PCDH7: variants seen among roughly 807,000 people sequenced by gnomAD.
PCDH7 encodes protocadherin 7.
A neutral mutation model predicts 58.9 loss-of-function variants in PCDH7; 17 were observed. The observed-to-expected ratio is 0.29, with a 90% confidence interval of 0.20 to 0.43. The LOEUF is 0.43. Among genes scored for constraint, PCDH7 ranks in the 20% least tolerant of loss-of-function variants. The pLI is 1.00. For missense variants in PCDH7, 1,274 were observed against 1,441.0 expected, an observed-to-expected ratio of 0.88 and a Z score of 1.88; for synonymous variants, 664 against 616.4, an observed-to-expected ratio of 1.08 and a Z score of -1.14.
intron 3 of PCDH7, among the ~76,000 whole-genome samples, chr4:30,956,829 T>C (rs1747904132): frequency 6.6e-6 from 1 of 152,230 alleles, no homozygotes; most frequent in Non-Finnish European, 1.5e-5. Context: ...TGAGGCTTTC[T>C]TTTGCATCCT....
At chr4:31,107,667 A>G (rs1715747183) in intron 3 of PCDH7, among the ~76,000 whole-genome samples, 1 of 152,192 alleles carries the variant, frequency 6.6e-6, no homozygotes. Flanking sequence ...GCTTTGGGGT[A>G]ATAGATTCCA....
chr4:30,885,855 A>G (rs1737665637), intron 1 of PCDH7, among the ~76,000 whole-genome samples: 1 of 152,208 alleles, frequency 6.6e-6, no homozygotes, highest in Non-Finnish European at 1.5e-5. Context: ...AAACCTGAGA[A>G]AAACAAGCAA....
intron 3 of PCDH7, among the ~76,000 whole-genome samples, chr4:30,969,486 A>G (rs1286442399): frequency 1.3e-5 from 2 of 152,206 alleles, no homozygotes; most frequent in Non-Finnish European, 2.9e-5. Context: ...TTTGGTTCCT[A>G]TAACTATTCA....
At chr4:30,854,609 G>T (rs918979416) in intron 1 of PCDH7, among the ~76,000 whole-genome samples, 1 of 151,932 alleles carries the variant, frequency 6.6e-6, no homozygotes, top group Non-Finnish European at 1.5e-5. Flanking sequence ...GAAAGTCCTC[G>T]AGGGATGGTC....
chr4:30,963,587 C>CT (rs34145221), intron 3 of PCDH7, among the ~76,000 whole-genome samples: 93,333 of 151,812 alleles, frequency 0.61, 29,965 homozygotes, highest in African/African-American at 0.81. Context: ...TGTTTTTTCT[C>CT]TTTTTTTCTT....
intron 3 of PCDH7, among the ~76,000 whole-genome samples, chr4:30,983,051 A>G (rs1750697847): frequency 6.6e-6 from 1 of 152,232 alleles, no homozygotes; most frequent in Non-Finnish European, 1.5e-5. Flanking sequence ...TTACCTGGAC[A>G]TCACCTGCCT....
intron 3 of PCDH7, among the ~76,000 whole-genome samples, chr4:31,141,129 A>G (rs1410376682): frequency 1.3e-5 from 2 of 152,362 alleles, no homozygotes; most frequent in East Asian, 1.9e-4. Context: ...AATATCCTAT[A>G]CAAATGTTAA....
In PCDH7 at chr4:30,721,508, C is replaced by T. The variant is rs551643639; in HGVS notation, c.86C>T (p.Ala29Val). The change falls in exon 1 of 2, where the codon GCC (alanine) becomes GTC (valine). Residue 29 changes from alanine (A) to valine (V), a missense_variant. This residue lies in a region of PCDH7 where 212 missense variants were observed against 255.8 expected (regional missense o/e 0.83). Coordinates refer to ENST00000361762, the Ensembl canonical transcript of PCDH7. This position sits in a 1 kb window ranked among gnomAD's most constrained non-coding sequence, Gnocchi z 6.7. The stretch of plus-strand genomic sequence containing the variant: ...CTGCCGCTCTCGCTCAGCCTGGCGG[C>T]CGCCAAGCAGCTCCTCCGGTACCGG... 1.9e-6 allele frequency: 3 copies of T among 1,599,220 alleles called. No individual in the cohort carries two copies. The African/African-American group carries it at 4.0e-5, about 21-fold the overall frequency.
intron 3 of PCDH7, among the ~76,000 whole-genome samples, chr4:30,975,413 T>C (rs1259183861): frequency 2.0e-5 from 3 of 152,100 alleles, no homozygotes; most frequent in Non-Finnish European, 4.4e-5. Flanking sequence ...AGGCCCTTCC[T>C]TCACACGAGC....
intron 1 of PCDH7, among the ~76,000 whole-genome samples, chr4:30,904,075 C>G (rs1012312749): frequency 6.6e-6 from 1 of 152,126 alleles, no homozygotes. Flanking sequence ...ATGACTATAG[C>G]CTCTTTCATA....
At chr4:31,088,852 T>C (rs1446545160) in intron 3 of PCDH7, among the ~76,000 whole-genome samples, 1 of 152,088 alleles carries the variant, frequency 6.6e-6, no homozygotes, top group Non-Finnish European at 1.5e-5. Flanking sequence ...TAGAGTGTAA[T>C]AAAAGCTCCA....
At chr4:30,951,523 T>C (rs907919533) in intron 3 of PCDH7, among the ~76,000 whole-genome samples, 3 of 152,288 alleles carry the variant, frequency 2.0e-5, no homozygotes, top group African/African-American at 7.2e-5. Flanking sequence ...GGGTGCAATC[T>C]TTCATGTCCA....
At chr4:31,091,349 T>G (rs952886974) in intron 3 of PCDH7, among the ~76,000 whole-genome samples, 6 of 151,958 alleles carry the variant, frequency 3.9e-5, no homozygotes, top group African/African-American at 1.4e-4. Flanking sequence ...GACATATATA[T>G]GTATATATGC....
At chr4:30,801,696 G>C (rs1049689673) in intron 1 of PCDH7, among the ~76,000 whole-genome samples, 2 of 152,150 alleles carry the variant, frequency 1.3e-5, no homozygotes, top group African/African-American at 2.4e-5. Flanking sequence ...CATGAATCAT[G>C]AAGTGGAACT....
rs116825514 is a variant in PCDH7, at chr4:30,957,846, G to A, written c.*7+7631G>A. On this transcript the variant is annotated intron_variant, in intron 3 of 3. Coordinates refer to the PCDH7 transcript ENST00000509759. ...ATGGAAAAAGTTACTTTCGGCTAACGCATTAATTTGCTTTACTGCTAACTC... is the reference window on the plus strand; with the variant it reads ...ATGGAAAAAGTTACTTTCGGCTAACACATTAATTTGCTTTACTGCTAACTC... Among the ~76,000 whole-genome samples, 853 of 152,160 alleles carry A rather than the reference G, an allele frequency of 5.6e-3. 4 individuals carry two copies. The highest frequency in any genetic ancestry group is 6.6e-3 in the African/African-American group (275 of 41,560).
At chr4:31,135,565 T>C (rs1035150823) in intron 3 of PCDH7, among the ~76,000 whole-genome samples, 1 of 152,184 alleles carries the variant, frequency 6.6e-6, no homozygotes, top group African/African-American at 2.4e-5. Flanking sequence ...ACCCATTTGC[T>C]TGACAATTGG....
intron 3 of PCDH7, among the ~76,000 whole-genome samples, chr4:31,035,947 T>C (rs879127496): frequency 2.0e-5 from 3 of 152,204 alleles, no homozygotes; most frequent in African/African-American, 7.2e-5. Context: ...ATAAGACCTG[T>C]AAGTGGACTT....
In PCDH7 at chr4:30,902,999, G is replaced by A. The variant is rs535163181; in HGVS notation, c.71-17154G>A. On this transcript the variant is annotated intron_variant, in intron 1 of 3. Coordinates refer to the PCDH7 transcript ENST00000509759. ...TACATGGAGAACACTGGAAAATTTA[G>A]GTTATATTATCAAATTGTGCTTTAA... Among the ~76,000 whole-genome samples, 7 of 152,144 alleles carry A rather than the reference G, an allele frequency of 4.6e-5. No homozygotes were observed. The South Asian group carries it at 1.5e-3, about 32-fold the overall frequency.
chr4:30,935,631 A>G (rs1007893786), intron 2 of PCDH7, among the ~76,000 whole-genome samples: 2 of 152,130 alleles, frequency 1.3e-5, no homozygotes, highest in Non-Finnish European at 2.9e-5. Flanking sequence ...ATTACTAAAG[A>G]TCATTCAGTG....
Sources: allele counts gnomAD v4.1 joint callset (sites outside exome capture counted in the v4.1 genomes callset), GRCh38; gene constraint gnomAD v4.1.1; regional missense constraint gnomAD v4.1.1; non-coding constraint Gnocchi (gnomAD v3.1); transcripts MANE v1.5; gene names NCBI Gene and HGNC (gene_info 2026-07-23, HGNC 2026-07-21).